Variants in VWA3B observed in about 807,000 individuals in gnomAD.
VWA3B encodes von Willebrand factor A domain containing 3B.
VWA3B carries 138 observed loss-of-function variants against 158.3 expected under a neutral mutation model. The observed-to-expected ratio is 0.87, with a 90% CI of 0.76 to 1.00. VWA3B has a LOEUF of 1.00. Ranked by LOEUF, VWA3B falls within the 50% of genes least tolerant of loss-of-function variation. The probability of loss-of-function intolerance (pLI) is 0.00; values close to 1 mark genes in which losing one functional copy is unlikely to be tolerated. For synonymous variants in VWA3B, 596 were observed against 587.3 expected (o/e 1.01, Z -0.21); for missense variants, 1,555 against 1,565.1 (o/e 0.99, Z 0.11).
At chr2:98,190,586 A>G (rs1681494011) in intron 10 of VWA3B, among the ~76,000 whole-genome samples, 1 of 151,442 alleles carries the variant, frequency 6.6e-6, no homozygotes, top group Non-Finnish European at 1.5e-5. Flanking sequence ...AGTCTGAAAA[A>G]CTCTTTAATT....
chr2:98,188,381 T>C (rs1681303640), intron 10 of VWA3B, among the ~76,000 whole-genome samples: 1 of 152,106 alleles, frequency 6.6e-6, no homozygotes, highest in Non-Finnish European at 1.5e-5. Flanking sequence ...TTTAGCTTTT[T>C]AAAAATATAC....
At chr2:98,208,836 A>G (rs1683247501) in intron 12 of VWA3B, among the ~76,000 whole-genome samples, 1 of 152,112 alleles carries the variant, frequency 6.6e-6, no homozygotes, top group African/African-American at 2.4e-5. Flanking sequence ...TACTCATTCC[A>G]TTGTTCTTTT....
intron 22 of VWA3B, among the ~76,000 whole-genome samples, chr2:98,290,079 G>A (rs1238846562): frequency 6.6e-6 from 1 of 152,154 alleles, no homozygotes; most frequent in South Asian, 2.1e-4. Context: ...TTGCTATAAA[G>A]AACTACCTGA....
intron 12 of VWA3B, among the ~76,000 whole-genome samples, chr2:98,201,983 T>C (rs1318785659): frequency 2.0e-5 from 3 of 152,240 alleles, no homozygotes; most frequent in African/African-American, 7.2e-5. Context: ...GATTCTTTTC[T>C]TAGAAATTGT....
At chr2:98,320,694 T>C in the VWA3B span, among the ~76,000 whole-genome samples, 1 of 152,294 alleles carries the variant, frequency 6.6e-6, no homozygotes, top group East Asian at 1.9e-4. Flanking sequence ...TGTGGAACTT[T>C]GAAATTGAGA....
rs747201832 is a variant in VWA3B, at chr2:98,162,954, C to T, written c.1092C>T (p.Pro364=). The change falls in exon 8 of 28, where the codon CCC becomes CCT. Residue 364 remains proline (P), a synonymous_variant. Transcript: ENST00000477737. The part of the protein sequence containing the change: ...IQRLVAEPPK[P]DVATVDCESE... ...GGCTGGTGGCCGAGCCTCCCAAGCC[C>T]GACGTGGCCACTGTGGACTGCGGTT... is the stretch of plus-strand genomic sequence containing the variant. 22 of 1,613,978 alleles carry T rather than the reference C, an allele frequency of 1.4e-5. No individual in the cohort carries two copies. The highest frequency in any genetic ancestry group is 1.7e-4 in the Middle Eastern group (1 of 6,016).
At chr2:98,299,901 A>G (rs1690067381) in intron 24 of VWA3B, among the ~76,000 whole-genome samples, 178 bp from the exon 25 acceptor site, 1 of 152,178 alleles carries the variant, frequency 6.6e-6, no homozygotes, top group Admixed American at 6.5e-5. Flanking sequence ...AAAATTCCAG[A>G]TGTGGCCCAA....
intron 8 of VWA3B, among the ~76,000 whole-genome samples, chr2:98,167,219 C>G (rs1035673993): frequency 1.3e-5 from 2 of 152,118 alleles, no homozygotes; most frequent in Non-Finnish European, 2.9e-5. Flanking sequence ...ACATACAGGT[C>G]CATAGTACCA....
chr2:98,119,860 G>T (rs890108332), intron 4 of VWA3B, 97 bp downstream of exon 4: 14 of 1,441,718 alleles, frequency 9.7e-6, no homozygotes, highest in Non-Finnish European at 8.5e-6. Context: ...TAGCTCTCTG[G>T]TGAGGGAAGA....
chr2:98,250,102 T>A (rs1173314355), intron 19 of VWA3B, among the ~76,000 whole-genome samples: 4 of 152,156 alleles, frequency 2.6e-5, no homozygotes, highest in Admixed American at 2.6e-4. Flanking sequence ...GTGGTAGTGA[T>A]TTCTAAAATA....
At chr2:98,328,222 A>C in the VWA3B span, among the ~76,000 whole-genome samples, 1 of 152,022 alleles carries the variant, frequency 6.6e-6, no homozygotes, top group Admixed American at 6.6e-5. Flanking sequence ...AAATATCCAC[A>C]AAAAAAATCT....
intron 22 of VWA3B, among the ~76,000 whole-genome samples, chr2:98,287,822 A>T (rs924363365): frequency 6.6e-6 from 1 of 152,142 alleles, no homozygotes; most frequent in African/African-American, 2.4e-5. Context: ...GTTTTTAAAG[A>T]TCCTTTTTCT....
At chr2:98,215,697 T>C (rs904742298) in intron 13 of VWA3B, among the ~76,000 whole-genome samples, 4 of 152,004 alleles carry the variant, frequency 2.6e-5, no homozygotes, top group African/African-American at 9.6e-5. Context: ...TTTGTATTTT[T>C]GGTAAAGACG....
intron 19 of VWA3B, among the ~76,000 whole-genome samples, chr2:98,247,177 T>C (rs62156720): frequency 0.039 from 5,904 of 152,032 alleles, 170 homozygotes; most frequent in Middle Eastern, 0.075. Flanking sequence ...TTTGTATTTT[T>C]AGTAGAGACG....
intron 23 of VWA3B, among the ~76,000 whole-genome samples, chr2:98,295,454 T>A (rs1004431136): frequency 4.6e-5 from 7 of 152,212 alleles, no homozygotes; most frequent in Admixed American, 2.6e-4. Flanking sequence ...GCATTTTTGC[T>A]GAAGGCCTCC....
intron 3 of VWA3B, among the ~76,000 whole-genome samples, chr2:98,116,695 G>A (rs149127795): frequency 1.5e-3 from 233 of 152,148 alleles, no homozygotes; most frequent in African/African-American, 5.4e-3. Context: ...TTTTGCAGAC[G>A]GGGTCTCGCC....
In VWA3B at chr2:98,230,234, C is replaced by T; in HGVS notation, c.2308+27C>T. ...TATCAGTGAACAAAATGGCTTGACT[C>T]TTTGCTGGTTTCTCTTCAAGGCAAG... On this transcript the variant is annotated intron_variant, in intron 16 of 27. Transcript: ENST00000477737. 5 of 1,511,842 alleles carry T rather than the reference C, an allele frequency of 3.3e-6. No individual in the cohort carries two copies. The South Asian group carries it at 6.9e-5, about 21-fold the overall frequency. The allele number at this position is 1,511,842 out of a possible 1,614,324, so 93.7% of individuals were successfully genotyped here.
At chr2:98,294,967 G>A (rs548123868) in intron 23 of VWA3B, among the ~76,000 whole-genome samples, 14 of 152,274 alleles carry the variant, frequency 9.2e-5, no homozygotes, top group African/African-American at 3.4e-4. Flanking sequence ...TAATTCCATG[G>A]AAAGAGTTTT....
At chr2:98,194,316 A>G (rs779557262) in intron 11 of VWA3B, 45 bp from the exon 12 acceptor site, 2 of 1,594,444 alleles carry the variant, frequency 1.3e-6, no homozygotes, top group African/African-American at 2.7e-5. Context: ...AACCCTTTCT[A>G]ACATCTGAGT....
Sources: gnomAD v4.1 joint callset for allele counts (sites outside exome capture counted in the v4.1 genomes callset) on GRCh38, gnomAD v4.1.1 for gene constraint, MANE v1.5 for transcripts, NCBI Gene and HGNC (gene_info 2026-07-23, HGNC 2026-07-21) for gene names.